The following LMF1 variants were observed in gnomAD, a reference collection of about 807,000 sequenced individuals.
LMF1 encodes the protein lipase maturation factor 1, also known as transmembrane protein 112.
In LMF1, 68 loss-of-function variants were observed where a neutral mutation model predicts 60.6. That is an observed-to-expected ratio of 1.12 (90% CI 0.92 to 1.37). The LOEUF (loss-of-function observed/expected upper bound fraction) is 1.37, where lower values mean the gene tolerates loss of function less well. Ranked by LOEUF, LMF1 falls within the 40% of genes most tolerant of loss-of-function variation. The pLI is 0.00. For synonymous variants in LMF1, 418 were observed against 324.7 expected (o/e 1.29, Z -3.09); for missense variants, 948 against 767.2 (o/e 1.24, Z -2.78).
At chr16:969,368 GAC>G (rs977594636) in intron 1 of LMF1, among the ~76,000 whole-genome samples, 2 of 152,044 alleles carry the variant, frequency 1.3e-5, no homozygotes, top group African/African-American at 2.4e-5. Context: ...GAGAGAGAGA[GAC>G]ACAGACCCAG....
At chr16:890,722 G>A (rs1596919996) in intron 5 of LMF1, among the ~76,000 whole-genome samples, 1 of 152,344 alleles carries the variant, frequency 6.6e-6, no homozygotes, top group East Asian at 1.9e-4. Context: ...CACAGTCGTT[G>A]GATTTGGGGC....
chr16:880,852 T>C lies in LMF1; in HGVS notation c.730-1115A>G, dbSNP rs529488839. Among the ~76,000 whole-genome samples the C allele has an allele frequency of 2.6e-5, 4 of 151,728 alleles. No individual in the cohort carries two copies. The South Asian group carries it at 8.3e-4, about 32-fold the overall frequency. ...GAGCCCAGGGTGGTGGTGGGAAGAG[T>C]GCCCTAGATGGACGATGCTGCACGC... On this transcript the variant is annotated intron_variant, in intron 5 of 10. Coordinates refer to ENST00000262301, the MANE Select transcript of LMF1 (RefSeq NM_022773.4).
At chr16:921,561 G>T (rs116970990) in intron 3 of LMF1, among the ~76,000 whole-genome samples, 1 of 152,230 alleles carries the variant, frequency 6.6e-6, no homozygotes, top group South Asian at 2.1e-4. Flanking sequence ...AAATGCGGGC[G>T]GTGACGAGTG....
At chr16:936,370 AGAGG>A (rs1436544821) in intron 2 of LMF1, among the ~76,000 whole-genome samples, 2 of 132,322 alleles carry the variant, frequency 1.5e-5, no homozygotes, top group Admixed American at 7.5e-5. Context: ...AGGCTAGGAG[AGAGG>A]GGGTACCCCG....
intron 3 of LMF1, among the ~76,000 whole-genome samples, chr16:917,184 GT>G (rs1021747394): frequency 6.6e-6 from 1 of 152,234 alleles, no homozygotes; most frequent in Non-Finnish European, 1.5e-5. Context: ...TGGGGGACGG[GT>G]CACCACCATC....
chr16:940,210 C>A (rs756279918), intron 2 of LMF1, among the ~76,000 whole-genome samples: 7 of 152,292 alleles, frequency 4.6e-5, no homozygotes, highest in Non-Finnish European at 8.8e-5. Context: ...ACTGGCCCTG[C>A]CGACACCCTG....
intron 3 of LMF1, among the ~76,000 whole-genome samples, chr16:920,183 G>A (rs774210255): frequency 6.6e-6 from 1 of 150,842 alleles, no homozygotes; most frequent in Non-Finnish European, 1.5e-5. Flanking sequence ...CCCCCAACAT[G>A]ACATCCACAC....
chr16:907,077 T>C (rs909641932), intron 4 of LMF1, among the ~76,000 whole-genome samples: 1 of 152,260 alleles, frequency 6.6e-6, no homozygotes, highest in African/African-American at 2.4e-5. Flanking sequence ...CTTAACATTT[T>C]CATTTTGACA....
chr16:959,441 G>C (rs1320992524), intron 1 of LMF1, among the ~76,000 whole-genome samples: 1 of 152,214 alleles, frequency 6.6e-6, no homozygotes, highest in Non-Finnish European at 1.5e-5. Context: ...CCATGCACGG[G>C]GGACTTGGGG....
chr16:869,561 G>A (rs1014061616), intron 9 of LMF1: 34 of 599,622 alleles, frequency 5.7e-5, no homozygotes, highest in Non-Finnish European at 9.1e-5. Flanking sequence ...TGAAACCACA[G>A]GCGCCACCCT....
chr16:874,405 C>A lies in LMF1; in HGVS notation c.898-3064G>T, dbSNP rs779160043. 2.6e-4 allele frequency among the ~76,000 whole-genome samples: 39 copies of A among 152,284 alleles called. No individual in the cohort carries two copies. In the South Asian group the frequency reaches 2.7e-3, roughly 11 times the overall value. On this transcript the variant is annotated intron_variant, in intron 6 of 10. Coordinates refer to ENST00000262301, the MANE Select transcript of LMF1 (RefSeq NM_022773.4). The surrounding 1 kb of genome is among the most constrained non-coding windows in gnomAD (Gnocchi z 4.1). ...GCTGTGGGCAGGCGCCTCAGAGGTT[C>A]CAGACCTGAGCTCACCCCCTGCCCC...
chr16:948,846 G>A (rs1248636172), intron 2 of LMF1, among the ~76,000 whole-genome samples: 3 of 107,188 alleles, frequency 2.8e-5, no homozygotes, highest in African/African-American at 4.7e-5. Context: ...CAGAGCCAAC[G>A]ACAGAGTCAG....
At chr16:916,586 C>A (rs1439888290) in intron 3 of LMF1, among the ~76,000 whole-genome samples, 1 of 152,210 alleles carries the variant, frequency 6.6e-6, no homozygotes, top group African/African-American at 2.4e-5. Context: ...TCGCTGCGCG[C>A]CAGTGGCGGG....
At chr16:965,770 C>T (rs932282643) in intron 1 of LMF1, among the ~76,000 whole-genome samples, 5 of 152,106 alleles carry the variant, frequency 3.3e-5, no homozygotes, top group Non-Finnish European at 7.4e-5. Flanking sequence ...GGCCGCACCT[C>T]GGGGCTGGAG....
intron 4 of LMF1, chr16:905,079 A>C: frequency 8.3e-6 from 1 of 120,088 alleles, no homozygotes; most frequent in South Asian, 2.0e-4. Context: ...CGTGGTGGTG[A>C]CCTCTGCACT....
At chr16:876,348 C>T (rs539023765) in intron 6 of LMF1, among the ~76,000 whole-genome samples, 1 of 152,216 alleles carries the variant, frequency 6.6e-6, no homozygotes, top group African/African-American at 2.4e-5. Flanking sequence ...CAGAGAACTT[C>T]CAGGGCCACA....
chr16:955,470 TAC>T lies in LMF1; in HGVS notation c.194-806_194-805del, dbSNP rs60310299. ...GCCTGCAGCAGACGCGGTGTGTGCA[TAC>T]ACACACACACACATCTAAGTAAACT... On this transcript the variant is annotated intron_variant, in intron 1 of 10. Coordinates refer to ENST00000262301, the MANE Select transcript of LMF1 (RefSeq NM_022773.4). Among the ~76,000 whole-genome samples the T allele has an allele frequency of 1.0e-2, 533 of 53,412 alleles. 56 individuals carry two copies. Among genetic ancestry groups the T allele is most frequent in the African/African-American group, 0.024 (168 of 6,996 alleles). The allele number at this position is 53,412 out of a possible 152,430, so 35.0% of individuals were successfully genotyped here. A position where few individuals can be genotyped will look rare whatever the true frequency, so the allele number is the denominator to read the frequency against.
intron 10 of LMF1, among the ~76,000 whole-genome samples, chr16:862,926 A>C (rs1596843136): frequency 1.3e-5 from 2 of 152,316 alleles, no homozygotes; most frequent in Non-Finnish European, 2.9e-5. Flanking sequence ...TTTTCTGGGA[A>C]ATTAATCTTA....
At chr16:884,070 G>C (rs1357434746) in intron 5 of LMF1, 1 of 152,188 alleles carries the variant, frequency 6.6e-6, no homozygotes, top group East Asian at 1.9e-4. Context: ...ACGTGTTTGA[G>C]AGTCTTCTGA....
Sources: gnomAD v4.1 joint callset for allele counts (sites outside exome capture counted in the v4.1 genomes callset) on GRCh38, gnomAD v4.1.1 for gene constraint, Gnocchi (gnomAD v3.1) non-coding constraint, MANE v1.5 for transcripts, NCBI Gene and HGNC (gene_info 2026-07-23, HGNC 2026-07-21) for gene names.